LAMC1: variants seen among roughly 807,000 people sequenced by gnomAD.
The protein encoded by LAMC1 is laminin subunit gamma 1.
In LAMC1, 38 loss-of-function variants were observed where a neutral mutation model predicts 173.6. That is an observed-to-expected ratio of 0.22 (90% CI 0.17 to 0.29). The LOEUF (loss-of-function observed/expected upper bound fraction) is 0.29, where lower values mean the gene tolerates loss of function less well. Among genes scored for constraint, LAMC1 ranks in the 10% least tolerant of loss-of-function variants. LAMC1 has a pLI of 1.00. For synonymous variants in LAMC1, 746 were observed against 749.1 expected (o/e 1.00, Z 0.07); for missense variants, 1,824 against 2,051.8 (o/e 0.89, Z 2.14).
chr1:183,100,801 G>A (rs1655817527), intron 1 of LAMC1, among the ~76,000 whole-genome samples: 1 of 152,160 alleles, frequency 6.6e-6, no homozygotes. Context: ...AGGTGTGTGA[G>A]CCTCCATACA....
Position 183,142,773 on chromosome 1 carries a change from T to C in LAMC1, c.4813T>C (p.Ser1605Pro). Reference protein sequence around the residue: ...TLPSGCFNTPSIEKP With the variant: ...TLPSGCFNTPPIEKP The stretch of plus-strand genomic sequence containing the variant: ...ACCATCTGGCTGCTTCAACACCCCG[T>C]CCATTGAAAAGCCCTAGTGTCTTTA... Residue 1605 changes from serine to proline, a missense_variant, in exon 28 of 28, where the codon TCC becomes CCC. By Grantham distance (74) the Ser-to-Pro change is moderately conservative. Coordinates refer to ENST00000258341, the MANE Select transcript of LAMC1 (RefSeq NM_002293.4). 6.2e-7 allele frequency: 1 copy of C among 1,612,358 alleles called. No individual in the cohort carries two copies. Among genetic ancestry groups the C allele is most frequent in the Non-Finnish European group, 8.5e-7 (1 of 1,179,174 alleles).
chr1:183,030,536 T>C (rs1312085398), intron 1 of LAMC1, among the ~76,000 whole-genome samples: 1 of 152,238 alleles, frequency 6.6e-6, no homozygotes, highest in Non-Finnish European at 1.5e-5. Context: ...TTTGAGCTTG[T>C]GTTTATTTTT....
intron 1 of LAMC1, among the ~76,000 whole-genome samples, chr1:183,071,006 C>T (rs10911220): frequency 0.1 from 15,837 of 151,938 alleles, 1,024 homozygotes; most frequent in Admixed American, 0.2. Flanking sequence ...CCTGCTGTGT[C>T]GCTATACAAA....
intron 1 of LAMC1, among the ~76,000 whole-genome samples, chr1:183,024,739 C>T (rs1653635298): frequency 6.6e-6 from 1 of 152,216 alleles, no homozygotes; most frequent in African/African-American, 2.4e-5. Flanking sequence ...GATTTGACTG[C>T]TAATCCTGGT....
rs1044793360 is a variant in LAMC1 at position 183,129,288 on chromosome 1, C to T, written c.3280+538C>T. ...TATTTTGAGTAGAGATGGCGGTTCA[C>T]CGTGTTAGCCAGGATGGTCTCGATC... On this transcript the variant is annotated intron_variant, in intron 18 of 27. Coordinates refer to ENST00000258341, the MANE Select transcript of LAMC1 (RefSeq NM_002293.4). Among the ~76,000 whole-genome samples, 6 of 152,094 alleles carry T rather than the reference C, an allele frequency of 3.9e-5. No individual in the cohort carries two copies. The East Asian group carries it at 1.2e-3, about 29-fold the overall frequency.
At chr1:183,055,526 G>T (rs1397222030) in intron 1 of LAMC1, among the ~76,000 whole-genome samples, 2 of 151,884 alleles carry the variant, frequency 1.3e-5, no homozygotes, top group Non-Finnish European at 1.5e-5. Context: ...TGAAATAAAG[G>T]CATTAGGCCG....
chr1:183,122,382 G>A (rs1656501205), intron 13 of LAMC1, 131 bp downstream of exon 13: 1 of 808,418 alleles, frequency 1.2e-6, no homozygotes, highest in Admixed American at 2.5e-5. Flanking sequence ...CTAATAGGAA[G>A]CTGAGGCTCA....
chr1:183,079,779 T>C (rs1165843312), intron 1 of LAMC1, among the ~76,000 whole-genome samples: 2 of 152,226 alleles, frequency 1.3e-5, no homozygotes, highest in African/African-American at 4.8e-5. Context: ...AATTCTGAAT[T>C]TGAAGAGCGG....
At chr1:183,130,644 T>C (rs575703316) in intron 19 of LAMC1, 95 bp downstream of exon 19, 1 of 890,478 alleles carries the variant, frequency 1.1e-6, no homozygotes, top group East Asian at 2.6e-5. Context: ...TTCAACTAAA[T>C]TGACTCCATG....
At chr1:183,049,048 A>T (rs1044988747) in intron 1 of LAMC1, among the ~76,000 whole-genome samples, 2 of 152,212 alleles carry the variant, frequency 1.3e-5, no homozygotes, top group Non-Finnish European at 2.9e-5. Flanking sequence ...TTTGCATCTA[A>T]TGTGTACTCC....
Position 183,066,833 on chromosome 1 carries a change from A to C in LAMC1, c.419-36495A>C, listed in dbSNP as rs186540903. Among the ~76,000 whole-genome samples the C allele has an allele frequency of 5.7e-3, 867 of 152,320 alleles. 8 individuals are homozygous for C. Among genetic ancestry groups the C allele is most frequent in the African/African-American group, 0.02 (828 of 41,564 alleles). ...GGTTGGGGGCTAGGGAAGGGATAGC[A>C]TTAGGAGAAATACCTAATGTAGATG... is the stretch of plus-strand genomic sequence containing the variant. On this transcript the variant is annotated intron_variant, in intron 1 of 27. Coordinates refer to ENST00000258341, the MANE Select transcript of LAMC1 (RefSeq NM_002293.4).
intron 3 of LAMC1, 89 bp downstream of exon 3, chr1:183,108,495 CGTT>C (rs2102074236): frequency 8.6e-7 from 1 of 1,167,300 alleles, no homozygotes; most frequent in South Asian, 1.4e-5. Flanking sequence ...ATGTTAATAC[CGTT>C]GTTAGATGTT....
intron 1 of LAMC1, among the ~76,000 whole-genome samples, chr1:183,036,839 G>A (rs1446668286): frequency 6.6e-6 from 1 of 151,930 alleles, no homozygotes; most frequent in Non-Finnish European, 1.5e-5. Flanking sequence ...GCAGTGGCAC[G>A]ATCTTGGCTC....
chr1:183,139,284 T>C (rs912628022), intron 26 of LAMC1, among the ~76,000 whole-genome samples: 29 of 152,174 alleles, frequency 1.9e-4, no homozygotes, highest in Non-Finnish European at 5.9e-5. Flanking sequence ...CACTATCTCA[T>C]TTGTATTTCT....
At chr1:183,122,005 C>T in intron 12 of LAMC1, 58 bp from the exon 13 acceptor site, 1 of 1,607,220 alleles carries the variant, frequency 6.2e-7, no homozygotes, top group Non-Finnish European at 8.5e-7. Context: ...GTAGAAAGTG[C>T]TCATTGTCTT....
At position 183,143,710 on chromosome 1, in the gene LAMC1, AC is replaced by A. The variant is rs1204387485; in HGVS notation, c.*921del. The A allele has an allele frequency of 1.3e-5, 2 of 152,350 alleles. No individual in the cohort carries two copies. The highest frequency in any genetic ancestry group is 3.9e-4 in the East Asian group (2 of 5,188). The allele number at this position is 152,350 out of a possible 1,614,324, so 9.4% of individuals were successfully genotyped here. A position where few individuals can be genotyped will look rare whatever the true frequency, so the allele number is the denominator to read the frequency against. Reference sequence around the variant, plus strand: ...ACTAGTGTTAAGTATCTGGCAGAGAACAGTTAATCCCTAAGGTCTTGACAAA... The same window carrying A: ...ACTAGTGTTAAGTATCTGGCAGAGAAAGTTAATCCCTAAGGTCTTGACAAA... On this transcript the variant is annotated 3_prime_UTR_variant, in exon 28 of 28. Transcript: ENST00000258341.
intron 1 of LAMC1, among the ~76,000 whole-genome samples, chr1:183,090,068 G>A (rs116458077): frequency 6.6e-6 from 1 of 152,238 alleles, no homozygotes; most frequent in African/African-American, 2.4e-5. Flanking sequence ...TTTTTGTTCT[G>A]TTTCTGCTTT....
In LAMC1 at chr1:183,128,672, G is replaced by A. The variant is rs753406886; in HGVS notation, c.3202G>A (p.Asp1068Asn). The change falls in exon 18 of 28, where the codon GAT becomes AAT. Residue 1068 changes from aspartate (D) to asparagine (N), a missense_variant. By Grantham distance (23) the Asp-to-Asn change is conservative (BLOSUM62 1). Coordinates refer to ENST00000258341, the MANE Select transcript of LAMC1 (RefSeq NM_002293.4). ...NLGTGDEMVT[D>N]QAFEDRLKEA... ...TGGAACTGGGGATGAGATGGTGACAGATCAAGCCTTCGAGGATAGACTAAA... is the reference window on the plus strand; with the variant it reads ...TGGAACTGGGGATGAGATGGTGACAAATCAAGCCTTCGAGGATAGACTAAA... 6.2e-7 allele frequency: 1 copy of A among 1,613,814 alleles called. No individual in the cohort carries two copies. Among genetic ancestry groups the A allele is most frequent in the Non-Finnish European group, 8.5e-7 (1 of 1,179,792 alleles).
chr1:183,115,999 G>A (rs1056879500), intron 6 of LAMC1, among the ~76,000 whole-genome samples: 9 of 152,036 alleles, frequency 5.9e-5, no homozygotes, highest in South Asian at 2.1e-4. Flanking sequence ...GCGTGGTGGC[G>A]GGCAGCAGTA....
Sources: allele counts gnomAD v4.1 joint callset (sites outside exome capture counted in the v4.1 genomes callset), GRCh38; gene constraint gnomAD v4.1.1; transcripts MANE v1.5; gene names NCBI Gene and HGNC (gene_info 2026-07-23, HGNC 2026-07-21).